AGBL4: variants seen among roughly 807,000 people sequenced by gnomAD.
The protein encoded by AGBL4 is cytosolic carboxypeptidase 6.
AGBL4 carries 58 observed loss-of-function variants against 66.4 expected under a neutral mutation model. That is an observed-to-expected ratio of 0.87 (90% CI 0.71 to 1.09). AGBL4 has a LOEUF of 1.09. Among genes scored for constraint, AGBL4 ranks in the 50% least tolerant of loss-of-function variants. The pLI is 0.00. For missense variants in AGBL4, 579 were observed against 631.0 expected (o/e 0.92, Z 0.88); for synonymous variants, 234 against 222.9 (o/e 1.05, Z -0.44).
chr1:48,707,159 T>A (rs909741954), intron 6 of AGBL4, among the ~76,000 whole-genome samples: 1 of 152,040 alleles, frequency 6.6e-6, no homozygotes, highest in Non-Finnish European at 1.5e-5. Context: ...CTGGGCATGA[T>A]GGAGAGTGCC....
intron 3 of AGBL4, among the ~76,000 whole-genome samples, chr1:49,500,950 T>G (rs1364410127): frequency 6.6e-6 from 1 of 152,088 alleles, no homozygotes; most frequent in Non-Finnish European, 1.5e-5. Flanking sequence ...GCACTGAATT[T>G]GCACACTGCT....
chr1:48,915,006 A>G (rs1227355370), intron 5 of AGBL4, among the ~76,000 whole-genome samples: 1 of 152,250 alleles, frequency 6.6e-6, no homozygotes, highest in Admixed American at 6.5e-5. Context: ...CTGGAAGTCC[A>G]AATTCCTCTG....
intron 3 of AGBL4, among the ~76,000 whole-genome samples, chr1:49,606,084 G>A (rs1026451642): frequency 6.6e-6 from 1 of 152,074 alleles, no homozygotes; most frequent in African/African-American, 2.4e-5. Flanking sequence ...TTTGACACAA[G>A]CAGCTAAATA....
chr1:48,930,542 C>T (rs897150093), intron 5 of AGBL4, among the ~76,000 whole-genome samples: 18 of 152,072 alleles, frequency 1.2e-4, no homozygotes, highest in African/African-American at 4.1e-4. Flanking sequence ...AATTCATGCT[C>T]ACAGTTACTT....
At chr1:49,486,792 G>C (rs1647077125) in intron 3 of AGBL4, among the ~76,000 whole-genome samples, 1 of 151,882 alleles carries the variant, frequency 6.6e-6, no homozygotes. Context: ...CCTCTTACAT[G>C]CAACCAAAAA....
At position 49,798,630 on chromosome 1, in the gene AGBL4, A is replaced by T. The variant is rs1234582968; in HGVS notation, c.157+52766T>A. On this transcript the variant is annotated intron_variant, in intron 2 of 13. Coordinates refer to ENST00000371839, the MANE Select transcript of AGBL4 (RefSeq NM_032785.4). ...ATTCATCTACTGACTGACATATTTAATGTTTAAGTTCCTTTTATTTAAGTT... is the reference window on the plus strand; with the variant it reads ...ATTCATCTACTGACTGACATATTTATTGTTTAAGTTCCTTTTATTTAAGTT... 2.0e-5 allele frequency among the ~76,000 whole-genome samples: 3 copies of T among 152,248 alleles called. No homozygotes were observed. In the East Asian group the frequency reaches 5.8e-4, roughly 29 times the overall value.
chr1:48,540,524 T>C (rs550107867), intron 11 of AGBL4, among the ~76,000 whole-genome samples: 1 of 152,262 alleles, frequency 6.6e-6, no homozygotes, highest in Admixed American at 6.5e-5. Flanking sequence ...GCTTCTCTAA[T>C]GAGGTGATAT....
intron 2 of AGBL4, among the ~76,000 whole-genome samples, chr1:49,724,459 A>AT (rs1387354185): frequency 6.6e-6 from 1 of 152,154 alleles, no homozygotes; most frequent in East Asian, 1.9e-4. Flanking sequence ...CATAGAGAAG[A>AT]CTGACATTAA....
At chr1:50,001,058 T>C (rs566020557) in intron 1 of AGBL4, among the ~76,000 whole-genome samples, 57 of 151,732 alleles carry the variant, frequency 3.8e-4, no homozygotes, top group Non-Finnish European at 7.1e-4. Context: ...AAAAACATTT[T>C]AAAACTAGAT....
chr1:49,120,227 C>T (rs987556266), intron 4 of AGBL4, among the ~76,000 whole-genome samples: 5 of 152,096 alleles, frequency 3.3e-5, no homozygotes, highest in Admixed American at 2.6e-4. Context: ...ATGATGTTAG[C>T]TGGTTATTTT....
At chr1:49,572,605 C>T (rs1003837748) in intron 3 of AGBL4, among the ~76,000 whole-genome samples, 23 of 152,022 alleles carry the variant, frequency 1.5e-4, no homozygotes, top group African/African-American at 5.3e-4. Flanking sequence ...AGGAATTTAT[C>T]CATTTCTTCT....
chr1:49,951,362 GCCTGATAA>G (rs1262710572), intron 1 of AGBL4, among the ~76,000 whole-genome samples: 1 of 151,844 alleles, frequency 6.6e-6, no homozygotes. Context: ...ACACATGTGT[GCCTGATAA>G]CAAGAACTAT....
At chr1:49,239,375 T>C (rs1396392209) in intron 4 of AGBL4, among the ~76,000 whole-genome samples, 2 of 152,118 alleles carry the variant, frequency 1.3e-5, no homozygotes, top group African/African-American at 4.8e-5. Flanking sequence ...TAAAAAATTA[T>C]TTAACAAACC....
chr1:48,787,819 G>C (rs906595269), intron 6 of AGBL4, among the ~76,000 whole-genome samples: 4 of 152,200 alleles, frequency 2.6e-5, no homozygotes, highest in African/African-American at 9.7e-5. Flanking sequence ...CAGGTGCATG[G>C]GACTCTGGAT....
chr1:49,936,336 G>C (rs1654014270), intron 1 of AGBL4, among the ~76,000 whole-genome samples: 1 of 152,290 alleles, frequency 6.6e-6, no homozygotes, highest in South Asian at 2.1e-4. Flanking sequence ...ATGGGACTAT[G>C]TGAAAAGACC....
Position 49,817,979 on chromosome 1 carries a change from T to C in AGBL4, c.157+33417A>G, listed in dbSNP as rs139879590. ...CCATTCATTAATCTGTGCCTGGGGT[T>C]ACAGAGAAGTTGTCAGGAGAAAATA... On this transcript the variant is annotated intron_variant, in intron 2 of 13. Transcript: ENST00000371839. 2.4e-4 allele frequency among the ~76,000 whole-genome samples: 37 copies of C among 152,290 alleles called. 1 individual carries two copies. The East Asian group carries it at 6.9e-3, about 29-fold the overall frequency.
intron 9 of AGBL4, among the ~76,000 whole-genome samples, chr1:48,610,293 C>A (rs1288989003): frequency 6.6e-6 from 1 of 152,148 alleles, no homozygotes; most frequent in East Asian, 1.9e-4. Context: ...CAGTGCCTAA[C>A]ACATGACCGG....
At chr1:48,554,053 T>A (rs937796537) in intron 11 of AGBL4, among the ~76,000 whole-genome samples, 1 of 152,118 alleles carries the variant, frequency 6.6e-6, no homozygotes, top group African/African-American at 2.4e-5. Flanking sequence ...TCAGCTGAAG[T>A]CTGGGCCATT....
chr1:49,163,739 T>A (rs948981826), intron 4 of AGBL4, among the ~76,000 whole-genome samples: 2 of 152,098 alleles, frequency 1.3e-5, no homozygotes, highest in African/African-American at 4.8e-5. Context: ...GAATACAGCT[T>A]AAAAGGAGGC....
Sources: gnomAD v4.1 joint callset for allele counts (sites outside exome capture counted in the v4.1 genomes callset) on GRCh38, gnomAD v4.1.1 for gene constraint, MANE v1.5 for transcripts, NCBI Gene and HGNC (gene_info 2026-07-23, HGNC 2026-07-21) for gene names.